The following MRE11 variants were observed in gnomAD, a reference collection of about 807,000 sequenced individuals.
The protein encoded by MRE11 is double-strand break repair protein MRE11.
MRE11 carries 62 observed loss-of-function variants against 91.7 expected under a neutral mutation model. The ratio of observed to expected loss-of-function variants is 0.68; its 90% CI spans 0.55 to 0.84. The LOEUF (loss-of-function observed/expected upper bound fraction) is 0.84. Among genes scored for constraint, MRE11 ranks in the 40% least tolerant of loss-of-function variants. MRE11 has a pLI of 0.00. For missense variants in MRE11, 796 were observed against 852.9 expected (o/e 0.93, Z 0.83); for synonymous variants, 273 against 271.4 (o/e 1.01, Z -0.06).
At chr11:94,485,002 T>G (rs1479175095) in intron 4 of MRE11, among the ~76,000 whole-genome samples, 1 of 152,168 alleles carries the variant, frequency 6.6e-6, no homozygotes, top group African/African-American at 2.4e-5. Flanking sequence ...ACCTGAGGTC[T>G]GGAGTTCAAG....
At chr11:94,459,660 C>G (rs1946363366) in intron 12 of MRE11, 79 bp from the exon 13 acceptor site, 1 of 1,438,682 alleles carries the variant, frequency 7.0e-7, no homozygotes, top group Non-Finnish European at 9.6e-7. Context: ...GGAAAATTAC[C>G]AAATATGTTA....
At chr11:94,497,325 A>T (rs1348120308), upstream of MRE11, 2 of 361,528 alleles carry the variant, frequency 5.5e-6, no homozygotes, top group East Asian at 8.4e-5. Context: ...CTTCTCTTTT[A>T]TAGAGTAAGA....
intron 13 of MRE11, among the ~76,000 whole-genome samples, chr11:94,457,570 T>C (rs908965480): frequency 6.6e-5 from 10 of 152,258 alleles, no homozygotes; most frequent in Admixed American, 5.9e-4. Flanking sequence ...ATAAGTAGCA[T>C]ACCAAAGGTG....
At chr11:94,486,421 T>A (rs2135124293) in intron 3 of MRE11, among the ~76,000 whole-genome samples, 1 of 152,348 alleles carries the variant, frequency 6.6e-6, no homozygotes, top group African/African-American at 2.4e-5. Flanking sequence ...TCAATCCAAA[T>A]CATTCATTTA....
the MRE11 span, among the ~76,000 whole-genome samples, chr11:94,508,536 C>T: frequency 6.6e-6 from 1 of 152,082 alleles, no homozygotes; most frequent in Non-Finnish European, 1.5e-5. Flanking sequence ...CTCACACAAA[C>T]ACACACACAC....
chr11:94,452,570 A>G (rs1946138031), intron 14 of MRE11, among the ~76,000 whole-genome samples: 1 of 152,162 alleles, frequency 6.6e-6, no homozygotes, highest in Non-Finnish European at 1.5e-5. Flanking sequence ...ATTACTAACC[A>G]TCATTTCTAA....
chr11:94,435,202 A>G (rs1285483237), intron 18 of MRE11, among the ~76,000 whole-genome samples: 1 of 152,220 alleles, frequency 6.6e-6, no homozygotes, highest in East Asian at 1.9e-4. Context: ...CTGAAATCAA[A>G]TGATAGCAAA....
intron 3 of MRE11, among the ~76,000 whole-genome samples, chr11:94,487,307 A>T (rs559648781): frequency 2.6e-5 from 4 of 152,350 alleles, no homozygotes; most frequent in African/African-American, 9.6e-5. Context: ...AAAATTTTTT[A>T]AACTGGCTGG....
the MRE11 span, among the ~76,000 whole-genome samples, chr11:94,510,775 A>C: frequency 6.6e-6 from 1 of 152,236 alleles, no homozygotes; most frequent in East Asian, 1.9e-4. Flanking sequence ...AAGCCAAGGC[A>C]TGTTGGCAGT....
At chr11:94,501,427 G>C in the MRE11 span, among the ~76,000 whole-genome samples, 2 of 152,008 alleles carry the variant, frequency 1.3e-5, no homozygotes, top group South Asian at 2.1e-4. Context: ...GTTGAAAATC[G>C]TAAGAGCCAT....
rs137895123 is a variant in MRE11, at chr11:94,472,469, C to G, written c.660-710G>C. 2.2e-4 allele frequency among the ~76,000 whole-genome samples: 34 copies of G among 152,148 alleles called. No individual in the cohort carries two copies. The East Asian group carries it at 6.4e-3, about 29-fold the overall frequency. On this transcript the variant is annotated intron_variant, in intron 7 of 19. Transcript: ENST00000323929. ...CCATTCACCCAACAAATACTGTTAC[C>G]CAAACACTGTCTACTTTATGTCAGA... is the stretch of plus-strand genomic sequence containing the variant.
chr11:94,437,301 T>C (rs1327412250), intron 16 of MRE11, 66 bp from the exon 17 acceptor site: 2 of 1,478,122 alleles, frequency 1.4e-6, no homozygotes, highest in Non-Finnish European at 1.9e-6. Context: ...ACTTGCATAC[T>C]TCTTTAGCTA....
chr11:94,445,775 G>A (rs1380912328), intron 16 of MRE11, 35 bp downstream of exon 16: 10 of 1,491,674 alleles, frequency 6.7e-6, no homozygotes, highest in Non-Finnish European at 7.5e-6. Flanking sequence ...TCTAATGTTG[G>A]AATTTATAAA....
At chr11:94,460,068 T>C (rs1946375037) in intron 12 of MRE11, among the ~76,000 whole-genome samples, 1 of 151,616 alleles carries the variant, frequency 6.6e-6, no homozygotes, top group Non-Finnish European at 1.5e-5. Flanking sequence ...TCTGGGGAAA[T>C]GGTTAGAGAG....
At chr11:94,438,551 T>C (rs1199271157) in intron 16 of MRE11, among the ~76,000 whole-genome samples, 1 of 152,234 alleles carries the variant, frequency 6.6e-6, no homozygotes, top group African/African-American at 2.4e-5. Context: ...TCAAAGAATA[T>C]TTCTGTTCAG....
Position 94,478,788 on chromosome 11 carries a change from ATG to A in MRE11, c.489_490del (p.Ile164Ter). 2 of 1,613,740 alleles carry A rather than the reference ATG, an allele frequency of 1.2e-6. No homozygotes were observed. Among genetic ancestry groups the A allele is most frequent in the South Asian group, 2.2e-5 (2 of 91,072 alleles). On this transcript the variant is annotated frameshift_variant, in exon 6 of 20. Transcript: ENST00000323929. LOFTEE classifies it high-confidence loss of function. ...TCCTTTTTGAAGCAAAACCGGACTA[ATG>A]TCTATCTTCTCCACAGACATTGAAC...
At chr11:94,496,953 T>TAAA, upstream of MRE11, 1 of 1,398,136 alleles carries the variant, frequency 7.2e-7, no homozygotes. Flanking sequence ...AAAAATCGGG[T>TAAA]AAAAAAAAAA....
rs61749249 is a variant in MRE11, at chr11:94,459,433, G to A, written c.1475C>T (p.Ala492Val). 3 of 1,613,790 alleles carry A rather than the reference G, an allele frequency of 1.9e-6. No homozygotes were observed. The highest frequency in any genetic ancestry group is 1.7e-5 in the Admixed American group (1 of 59,988). The change falls in exon 13 of 20, where the codon GCC (alanine) becomes GTC (valine). Residue 492 changes from alanine to valine, a missense_variant. Ala to Val is a moderately conservative substitution (Grantham distance 64). Transcript: ENST00000323929. Reference protein sequence around the residue: ...QRFLKERHIDALEDKIDEEVR... With the variant: ...QRFLKERHIDVLEDKIDEEVR... ...CTCCTCATCGATTTTGTCTTCGAGG[G>A]CATCAATATGACGTTCTTTAAGAAA...
At chr11:94,478,629 T>G (rs1399779282) in intron 6 of MRE11, 106 bp downstream of exon 6, 1 of 1,322,874 alleles carries the variant, frequency 7.6e-7, no homozygotes, top group Non-Finnish European at 1.1e-6. Flanking sequence ...CAATAAAGAA[T>G]AAGGTTTGCC....
Sources: allele counts gnomAD v4.1 joint callset (sites outside exome capture counted in the v4.1 genomes callset), GRCh38; gene constraint gnomAD v4.1.1; transcripts MANE v1.5; gene names NCBI Gene and HGNC (gene_info 2026-07-23, HGNC 2026-07-21).